The following RBFOX3 variants were observed in gnomAD, a reference collection of about 807,000 sequenced individuals.
RBFOX3 encodes RNA binding fox-1 homolog 3.
RBFOX3 carries 17 observed loss-of-function variants against 48.7 expected under a neutral mutation model. The ratio of observed to expected loss-of-function variants is 0.35; its 90% confidence interval spans 0.24 to 0.52. The LOEUF (loss-of-function observed/expected upper bound fraction) is 0.52, where lower values mean the gene tolerates loss of function less well. RBFOX3 is among the 20% of genes least tolerant of loss of function. The pLI, the probability that RBFOX3 is intolerant of heterozygous loss-of-function variation, is 0.94. For missense variants in RBFOX3, 382 were observed against 497.5 expected, an observed-to-expected ratio of 0.77 and a Z score of 2.21; for synonymous variants, 212 against 209.5, an observed-to-expected ratio of 1.01 and a Z score of -0.10.
At chr17:79,286,094 T>C (rs2071801754) in intron 3 of RBFOX3, among the ~76,000 whole-genome samples, 1 of 152,190 alleles carries the variant, frequency 6.6e-6, no homozygotes, top group Non-Finnish European at 1.5e-5. Context: ...ACTGTGACCT[T>C]CTAGAAGCTG....
In RBFOX3 at chr17:79,485,173, C is replaced by T. The variant is rs938721816; in HGVS notation, c.-319-2575G>A. ...CGGGCTGTCTGCCGGGGCTCTCACC[C>T]TTCCTGACTTGTCAGTTCTCTTGCC... On this transcript the variant is annotated intron_variant, in intron 1 of 14. Coordinates refer to ENST00000693108, the MANE Select transcript of RBFOX3 (RefSeq NM_001350451.2). Among the ~76,000 whole-genome samples the T allele has an allele frequency of 2.6e-5, 4 of 152,256 alleles. No homozygotes were observed. In the East Asian group the frequency reaches 7.8e-4, roughly 30 times the overall value.
At chr17:79,519,385 G>T (rs2085729501) in intron 1 of RBFOX3, among the ~76,000 whole-genome samples, 1 of 152,244 alleles carries the variant, frequency 6.6e-6, no homozygotes. Flanking sequence ...CCCTGGAATG[G>T]CCCCGGCTTT....
intron 3 of RBFOX3, among the ~76,000 whole-genome samples, chr17:79,288,051 C>T (rs1377227170): frequency 1.3e-5 from 2 of 152,186 alleles, no homozygotes; most frequent in Non-Finnish European, 2.9e-5. Flanking sequence ...CCTGCCTGCT[C>T]TGCCCCAGAA....
At chr17:79,486,254 G>T (rs1339762545) in intron 1 of RBFOX3, among the ~76,000 whole-genome samples, 1 of 152,200 alleles carries the variant, frequency 6.6e-6, no homozygotes, top group Non-Finnish European at 1.5e-5. Flanking sequence ...GGTGGGCGGG[G>T]CCTGGTCGAG....
intron 4 of RBFOX3, among the ~76,000 whole-genome samples, chr17:79,189,194 A>G (rs1278198575): frequency 1.3e-5 from 2 of 152,224 alleles, no homozygotes; most frequent in Non-Finnish European, 2.9e-5. Context: ...AACCTTTTCA[A>G]AGAGCCTTCA....
In RBFOX3 at chr17:79,161,929, C is replaced by G. The variant is rs114325565; in HGVS notation, c.-33-46181G>C. Among the ~76,000 whole-genome samples the G allele has an allele frequency of 2.4e-3, 363 of 152,302 alleles. 3 individuals are homozygous for G. Among genetic ancestry groups the G allele is most frequent in the African/African-American group, 7.8e-3 (322 of 41,548 alleles). On this transcript the variant is annotated intron_variant, in intron 4 of 14. Coordinates refer to ENST00000693108, the MANE Select transcript of RBFOX3 (RefSeq NM_001350451.2). Reference sequence around the variant, plus strand: ...CTGTGGGGACCAGGGCCTCCTGCCACAATCAACCCACAACAGTCGAAGGAG... The same window carrying G: ...CTGTGGGGACCAGGGCCTCCTGCCAGAATCAACCCACAACAGTCGAAGGAG...
At chr17:79,145,777 A>ACAC (rs60139604) in intron 4 of RBFOX3, among the ~76,000 whole-genome samples, 36,810 of 152,146 alleles carry the variant, frequency 0.24, 4,647 homozygotes, top group Middle Eastern at 0.29. Flanking sequence ...CATGCGGCCC[A>ACAC]CACGGGGGCT....
At chr17:79,652,589 G>A in the RBFOX3 span, among the ~76,000 whole-genome samples, 12 of 918 alleles carry the variant, frequency 0.013, no homozygotes, top group Non-Finnish European at 0.02. Flanking sequence ...GAGGAGAGGA[G>A]AGGAGAGGAG....
At chr17:79,490,043 C>A (rs772053124) in intron 1 of RBFOX3, among the ~76,000 whole-genome samples, 8 of 152,302 alleles carry the variant, frequency 5.3e-5, no homozygotes, top group East Asian at 1.9e-4. Context: ...AATAAATGAA[C>A]CTCCTCCCCC....
chr17:79,148,237 G>A (rs937752516), intron 4 of RBFOX3, among the ~76,000 whole-genome samples: 17 of 152,200 alleles, frequency 1.1e-4, no homozygotes, highest in African/African-American at 3.4e-4. Context: ...CTGGGGTCCC[G>A]TTTCCCACCC....
chr17:79,271,640 A>G (rs2067725472), intron 3 of RBFOX3, among the ~76,000 whole-genome samples: 1 of 151,998 alleles, frequency 6.6e-6, no homozygotes, highest in African/African-American at 2.4e-5. Context: ...CTCCCACCCC[A>G]TCTCATTCCA....
chr17:79,585,165 C>T (rs2093207047), intron 1 of RBFOX3, among the ~76,000 whole-genome samples: 1 of 152,186 alleles, frequency 6.6e-6, no homozygotes, highest in Non-Finnish European at 1.5e-5. Flanking sequence ...AGGATGGGAG[C>T]ACCAAAATCT....
intron 3 of RBFOX3, among the ~76,000 whole-genome samples, chr17:79,244,285 G>T (rs570518157): frequency 6.6e-6 from 1 of 152,252 alleles, no homozygotes; most frequent in Admixed American, 6.5e-5. Context: ...CACAGGCTAG[G>T]GCGCGCTGAA....
At chr17:79,366,482 C>T (rs2057765909) in intron 2 of RBFOX3, among the ~76,000 whole-genome samples, 1 of 152,212 alleles carries the variant, frequency 6.6e-6, no homozygotes. Flanking sequence ...ATGCCGGCGC[C>T]ACGTCTCAAT....
chr17:79,389,878 C>T (rs1173388576), intron 2 of RBFOX3, among the ~76,000 whole-genome samples: 2 of 152,228 alleles, frequency 1.3e-5, no homozygotes, highest in African/African-American at 2.4e-5. Flanking sequence ...TGGAGACTAG[C>T]GTTTTCTGTT....
intron 1 of RBFOX3, among the ~76,000 whole-genome samples, chr17:79,574,318 G>A (rs2092784917): frequency 6.6e-6 from 1 of 152,176 alleles, no homozygotes; most frequent in Non-Finnish European, 1.5e-5. Flanking sequence ...GAGACAGGAG[G>A]TCAAGTGATA....
intron 1 of RBFOX3, among the ~76,000 whole-genome samples, chr17:79,564,209 T>C (rs2092367499): frequency 6.6e-6 from 1 of 152,264 alleles, no homozygotes; most frequent in African/African-American, 2.4e-5. Flanking sequence ...CTTTTTGCCA[T>C]GCAGCTCCCA....
At chr17:79,436,675 A>C (rs570952382) in intron 2 of RBFOX3, among the ~76,000 whole-genome samples, 33 of 152,280 alleles carry the variant, frequency 2.2e-4, no homozygotes, top group African/African-American at 7.7e-4. Flanking sequence ...CCCTGGAACA[A>C]AGGCGCCTGC....
intron 2 of RBFOX3, among the ~76,000 whole-genome samples, chr17:79,344,765 A>C (rs2082629835): frequency 6.6e-6 from 1 of 152,074 alleles, no homozygotes; most frequent in Non-Finnish European, 1.5e-5. Context: ...CATGTTGGCC[A>C]GGCTGGTCTC....
Sources: gnomAD v4.1 joint callset for allele counts (sites outside exome capture counted in the v4.1 genomes callset) on GRCh38, gnomAD v4.1.1 for gene constraint, MANE v1.5 for transcripts, NCBI Gene and HGNC (gene_info 2026-07-23, HGNC 2026-07-21) for gene names.